MAT2B: variants seen among roughly 807,000 people sequenced by gnomAD.
MAT2B encodes methionine adenosyltransferase 2 non-catalytic beta subunit.
In MAT2B, 16 loss-of-function variants were observed where a neutral mutation model predicts 36.1. The observed-to-expected ratio is 0.44, with a 90% CI of 0.30 to 0.67. The LOEUF (loss-of-function observed/expected upper bound fraction) is 0.67, where lower values mean the gene tolerates loss of function less well. Among genes scored for constraint, MAT2B ranks in the 30% least tolerant of loss-of-function variants. MAT2B has a pLI of 0.09. For synonymous variants in MAT2B, 148 were observed against 136.9 expected (o/e 1.08, Z -0.57); for missense variants, 332 against 398.2 (o/e 0.83, Z 1.42).
At position 163,507,128 on chromosome 5, in the gene MAT2B, G is replaced by C. The variant is rs370266211; in HGVS notation, c.63+1379G>C. ...CTGGGGAATTAAAAAATTAAACATG[G>C]AACTGTGCCAAGTTTTAAAGTTTCC... On this transcript the variant is annotated intron_variant, in intron 1 of 6. Transcript: ENST00000321757. Among the ~76,000 whole-genome samples, 13 of 152,136 alleles carry C rather than the reference G, an allele frequency of 8.5e-5. No individual in the cohort carries two copies. In the South Asian group the frequency reaches 2.5e-3, roughly 29 times the overall value.
chr5:163,505,613 T>C (rs950572040), upstream of MAT2B: 137 of 1,249,256 alleles, frequency 1.1e-4, no homozygotes, highest in Non-Finnish European at 1.3e-4. Flanking sequence ...CGAGGGCGTC[T>C]GAGCTGAGGC....
At chr5:163,510,542 C>T (rs1760021558) in intron 1 of MAT2B, among the ~76,000 whole-genome samples, 1 of 151,844 alleles carries the variant, frequency 6.6e-6, no homozygotes, top group Non-Finnish European at 1.5e-5. Flanking sequence ...TTACAGGCAC[C>T]TGCAACCACG....
chr5:163,506,321 G>T (rs780421914), intron 1 of MAT2B, among the ~76,000 whole-genome samples: 5 of 152,160 alleles, frequency 3.3e-5, no homozygotes, highest in Non-Finnish European at 5.9e-5. Context: ...GGTTCATTCC[G>T]TAAGGTTGGA....
chr5:163,506,396 G>A (rs1450952677), intron 1 of MAT2B, among the ~76,000 whole-genome samples: 1 of 152,110 alleles, frequency 6.6e-6, no homozygotes, highest in African/African-American at 2.4e-5. Flanking sequence ...GAGTTTCCCT[G>A]AAGGAAGATT....
rs766388761 is a variant in MAT2B at position 163,512,093 on chromosome 5, A to G, written c.155A>G (p.Asn52Ser). 129 of 1,614,076 alleles carry G rather than the reference A, an allele frequency of 8.0e-5. No homozygotes were observed. The highest frequency in any genetic ancestry group is 1.1e-4 in the Non-Finnish European group (126 of 1,180,018). Reference protein sequence around the residue: ...RAVHKEFQQNNWHAVGCGFRR... With the variant: ...RAVHKEFQQNSWHAVGCGFRR... Reference sequence around the variant, plus strand: ...GTACACAAAGAATTTCAGCAGAATAATTGGCATGCAGTTGGCTGTGGTTTC... The same window carrying G: ...GTACACAAAGAATTTCAGCAGAATAGTTGGCATGCAGTTGGCTGTGGTTTC... The change falls in exon 2 of 7, where the codon AAT (asparagine) becomes AGT (serine). Residue 52 changes from asparagine to serine, a missense_variant. By Grantham distance (46) the Asn-to-Ser change is conservative. Transcript: ENST00000321757.
Position 163,510,978 on chromosome 5 carries a change from T to C in MAT2B, c.64-1024T>C, listed in dbSNP as rs548236437. ...AATACTAATCAGGCCTTAAAATAGG[T>C]AAACTTAAAACACGTTTCTCTCTAG... On this transcript the variant is annotated intron_variant, in intron 1 of 6. Transcript: ENST00000321757. 6.6e-5 allele frequency among the ~76,000 whole-genome samples: 10 copies of C among 152,278 alleles called. No homozygotes were observed. The South Asian group carries it at 1.7e-3, about 25-fold the overall frequency.
upstream of MAT2B, chr5:163,503,436 C>G (rs776087198): frequency 1.7e-5 from 28 of 1,612,816 alleles, no homozygotes; most frequent in Non-Finnish European, 2.3e-5. Context: ...TAAGAACTAG[C>G]AATTCAAGAA....
chr5:163,517,991 G>T lies in MAT2B; in HGVS notation c.835-202G>T, dbSNP rs75375498. The T allele has an allele frequency of 1.3e-3, 654 of 518,288 alleles. 3 individuals are homozygous for T. Among genetic ancestry groups the T allele is most frequent in the African/African-American group, 0.011 (597 of 52,492 alleles). 32.1% of individuals were successfully genotyped at this position (518,288 alleles called of 1,614,324 possible). On this transcript the variant is annotated intron_variant, in intron 6 of 6. Coordinates refer to ENST00000321757, the MANE Select transcript of MAT2B (RefSeq NM_013283.5). ...AAAATGGCCAGGCACAATGGCTCATGCCTGTAATCCCAACACTTTGGGAGG... is the reference window on the plus strand; with the variant it reads ...AAAATGGCCAGGCACAATGGCTCATTCCTGTAATCCCAACACTTTGGGAGG...
In MAT2B at chr5:163,518,430, C is replaced by T; in HGVS notation, c.*67C>T. The T allele has an allele frequency of 7.3e-7, 1 of 1,362,030 alleles. No homozygotes were observed. Among genetic ancestry groups the T allele is most frequent in the Admixed American group, 2.3e-5 (1 of 43,136 alleles). The allele number at this position is 1,362,030 out of a possible 1,614,324, so 84.4% of individuals were successfully genotyped here. A position where few individuals can be genotyped will look rare whatever the true frequency, so the allele number is the denominator to read the frequency against. On this transcript the variant is annotated 3_prime_UTR_variant, in exon 7 of 7. Transcript: ENST00000321757. ...ATAGTATGTGGCACTTTTTAAAGAA[C>T]AAAGGAAATAGTTTTGTATGAGTAC...
intron 1 of MAT2B, among the ~76,000 whole-genome samples, 168 bp downstream of exon 1, chr5:163,505,917 AGTTT>A (rs1759928646): frequency 2.0e-5 from 3 of 151,862 alleles, no homozygotes; most frequent in South Asian, 2.1e-4. Flanking sequence ...GGCGCCACCG[AGTTT>A]GTTTATCTCA....
chr5:163,506,375 G>C (rs1759938134), intron 1 of MAT2B, among the ~76,000 whole-genome samples: 1 of 152,156 alleles, frequency 6.6e-6, no homozygotes, highest in Non-Finnish European at 1.5e-5. Flanking sequence ...CTTGGGCTTT[G>C]AACCACTACG....
In MAT2B at chr5:163,513,885, A is replaced by G; in HGVS notation, c.417A>G (p.Val139=). The G allele has an allele frequency of 6.2e-7, 1 of 1,613,138 alleles. No individual in the cohort carries two copies. The highest frequency in any genetic ancestry group is 8.5e-7 in the Non-Finnish European group (1 of 1,179,668). ...AFLIYISSDY[V]FDGTNPPYRE... ...TCATCTACATTAGCTCAGATTATGTATTTGATGGAACAAATCCACCTTACA... is the reference window on the plus strand; with the variant it reads ...TCATCTACATTAGCTCAGATTATGTGTTTGATGGAACAAATCCACCTTACA... The change falls in exon 4 of 7, where the codon GTA becomes GTG. Residue 139 remains valine (V), a synonymous_variant. Coordinates refer to ENST00000321757, the MANE Select transcript of MAT2B (RefSeq NM_013283.5).
chr5:163,516,749 C>T lies in MAT2B; in HGVS notation c.720+38C>T, dbSNP rs567517788. 1.3e-4 allele frequency: 210 copies of T among 1,605,478 alleles called. 2 individuals are homozygous for T. The South Asian group carries it at 1.9e-3, about 15-fold the overall frequency. On this transcript the variant is annotated intron_variant, in intron 5 of 6. Transcript: ENST00000321757. ...CCTGAGTCCTGTCTTAGCGAAGGTCCGCTTTGTCTTTTCCATGCTTGAACT... is the reference window on the plus strand; with the variant it reads ...CCTGAGTCCTGTCTTAGCGAAGGTCTGCTTTGTCTTTTCCATGCTTGAACT...
chr5:163,503,451 A>C (rs373973809), upstream of MAT2B: 64 of 1,606,834 alleles, frequency 4.0e-5, no homozygotes, highest in African/African-American at 7.9e-4. Flanking sequence ...CAAGAAATGA[A>C]GCATTCTAGA....
rs1160561557 is a variant in MAT2B, at chr5:163,518,987, T to C, written c.*624T>C. 6.6e-6 allele frequency: 1 copy of C among 152,620 alleles called. No homozygotes were observed. The highest frequency in any genetic ancestry group is 1.5e-5 in the Non-Finnish European group (1 of 68,014). The allele number at this position is 152,620 out of a possible 1,614,324, so 9.5% of individuals were successfully genotyped here. A position where few individuals can be genotyped will look rare whatever the true frequency, so the allele number is the denominator to read the frequency against. ...CATGTATTTTTTTTCTAGGCAAACA[T>C]TGAATGCAAACGTGTATTTTTTTAA... On this transcript the variant is annotated 3_prime_UTR_variant, in exon 7 of 7. Coordinates refer to ENST00000321757, the MANE Select transcript of MAT2B (RefSeq NM_013283.5).
intron 1 of MAT2B, among the ~76,000 whole-genome samples, chr5:163,506,515 A>G (rs984780462): frequency 6.6e-6 from 1 of 152,072 alleles, no homozygotes; most frequent in African/African-American, 2.4e-5. Context: ...AACATATCCA[A>G]CCCTGGGGAT....
intron 1 of MAT2B, among the ~76,000 whole-genome samples, chr5:163,511,541 G>C (rs113892196): frequency 2.1e-5 from 3 of 142,660 alleles, no homozygotes; most frequent in Admixed American, 7.6e-5. Flanking sequence ...CCTTGGCCTC[G>C]CAAAGTGCTG....
Position 163,511,988 on chromosome 5 carries a change from C to T in MAT2B, c.64-14C>T, listed in dbSNP as rs1760054529. On this transcript the variant is annotated splice_polypyrimidine_tract_variant and intron_variant, in intron 1 of 6. Transcript: ENST00000321757. Reference sequence around the variant, plus strand: ...CAAAGTTAGTAACTCTTTCTATCCGCCTTCACCTTTTAGGAGGAAGTTAAC... The same window carrying T: ...CAAAGTTAGTAACTCTTTCTATCCGTCTTCACCTTTTAGGAGGAAGTTAAC... The T allele has an allele frequency of 3.1e-6, 5 of 1,600,598 alleles. No individual in the cohort carries two copies. The highest frequency in any genetic ancestry group is 2.7e-5 in the African/African-American group (2 of 74,466).
upstream of MAT2B, chr5:163,503,387 C>G (rs764971151): frequency 6.2e-7 from 1 of 1,613,858 alleles, no homozygotes; most frequent in South Asian, 1.1e-5. Context: ...TGAAATAATT[C>G]TGGAGTCATG....
Sources: gnomAD v4.1 joint callset for allele counts (sites outside exome capture counted in the v4.1 genomes callset) on GRCh38, gnomAD v4.1.1 for gene constraint, MANE v1.5 for transcripts, NCBI Gene and HGNC (gene_info 2026-07-23, HGNC 2026-07-21) for gene names.